Variants in LIN54 observed in about 807,000 individuals in gnomAD.
LIN54 encodes lin-54 DREAM MuvB core complex component.
LIN54 carries 9 observed loss-of-function variants against 78.7 expected under a neutral mutation model. The observed-to-expected ratio is 0.11, with a 90% confidence interval of 0.07 to 0.20. The LOEUF (loss-of-function observed/expected upper bound fraction) is 0.20. Ranked by LOEUF, LIN54 falls within the 10% of genes least tolerant of loss-of-function variation. The probability of loss-of-function intolerance (pLI) is 1.00; values close to 1 mark genes in which losing one functional copy is unlikely to be tolerated. For missense variants in LIN54, 573 were observed against 889.9 expected, an observed-to-expected ratio of 0.64 and a Z score of 4.53; for synonymous variants, 269 against 318.4, an observed-to-expected ratio of 0.84 and a Z score of 1.65.
At chr4:82,986,862 C>G (rs1386866469) in intron 1 of LIN54, among the ~76,000 whole-genome samples, 1 of 152,166 alleles carries the variant, frequency 6.6e-6, no homozygotes, top group African/African-American at 2.4e-5. Flanking sequence ...TTTATCCTCA[C>G]AACAACTCAG....
In LIN54 at chr4:82,979,180, ATAT is replaced by A. The variant is rs766128397; in HGVS notation, c.685-177_685-175del. ...AATGCAGACATTCATCAAAATATTA[ATAT>A]TATTATATCCTTAATCCCATATATA... On this transcript the variant is annotated intron_variant, in intron 2 of 12. Coordinates refer to ENST00000340417, the MANE Select transcript of LIN54 (RefSeq NM_194282.4). Among the ~76,000 whole-genome samples the A allele has an allele frequency of 6.6e-5, 10 of 152,268 alleles. No homozygotes were observed. The East Asian group carries it at 1.7e-3, about 26-fold the overall frequency.
intron 4 of LIN54, among the ~76,000 whole-genome samples, chr4:82,951,194 G>C (rs1412706403): frequency 6.6e-6 from 1 of 152,090 alleles, no homozygotes; most frequent in Non-Finnish European, 1.5e-5. Flanking sequence ...AGTAAGAAAA[G>C]ATAAATATTA....
intron 5 of LIN54, among the ~76,000 whole-genome samples, chr4:82,945,868 A>T (rs1723313073): frequency 6.6e-6 from 1 of 152,192 alleles, no homozygotes. Context: ...GTTCTTTCTT[A>T]CTTACACCTT....
At chr4:83,000,140 T>C (rs564818686) in intron 1 of LIN54, among the ~76,000 whole-genome samples, 99 of 152,222 alleles carry the variant, frequency 6.5e-4, no homozygotes, top group African/African-American at 2.3e-3. Context: ...GTGATCCTCC[T>C]GCCTCAGCTC....
intron 4 of LIN54, among the ~76,000 whole-genome samples, chr4:82,947,990 T>A (rs1037234049): frequency 6.6e-6 from 1 of 152,126 alleles, no homozygotes; most frequent in Non-Finnish European, 1.5e-5. Context: ...TACTTCCGCA[T>A]AAAATAATTC....
intron 1 of LIN54, among the ~76,000 whole-genome samples, chr4:82,991,344 T>A (rs186594724): frequency 1.3e-5 from 2 of 152,294 alleles, no homozygotes. Flanking sequence ...TGTTTATGAG[T>A]ATGTACAAAT....
intron 1 of LIN54, among the ~76,000 whole-genome samples, chr4:83,009,385 A>C (rs952560063): frequency 3.3e-5 from 5 of 152,186 alleles, no homozygotes; most frequent in African/African-American, 1.2e-4. Context: ...CTCAATACTA[A>C]TCCTTCTGTT....
At chr4:82,958,930 G>A (rs6535417) in intron 4 of LIN54, among the ~76,000 whole-genome samples, 82,183 of 151,876 alleles carry the variant, frequency 0.54, 24,069 homozygotes, top group East Asian at 0.78. Context: ...GCAAACTCCC[G>A]ATCTCAGGTG....
At chr4:82,950,684 A>T (rs1196165301) in intron 4 of LIN54, among the ~76,000 whole-genome samples, 1 of 152,210 alleles carries the variant, frequency 6.6e-6, no homozygotes, top group Non-Finnish European at 1.5e-5. Flanking sequence ...TATATAAGTG[A>T]CTGCCCTCAA....
intron 3 of LIN54, among the ~76,000 whole-genome samples, chr4:82,972,113 G>A (rs928088228): frequency 6.6e-5 from 10 of 152,102 alleles, no homozygotes; most frequent in Non-Finnish European, 1.0e-4. Context: ...AGAATGCAGT[G>A]GCGTGATCAT....
chr4:82,970,488 A>C lies in LIN54; in HGVS notation c.809-19T>G, dbSNP rs1408445605. ...ACCCTACCTGCAAATGAGAGGCAGC[A>C]CATCAGTTTGACTTTTTTCAATAAT... On this transcript the variant is annotated intron_variant, in intron 3 of 12. Coordinates refer to ENST00000340417, the MANE Select transcript of LIN54 (RefSeq NM_194282.4). The C allele has an allele frequency of 2.5e-6, 4 of 1,593,926 alleles. No homozygotes were observed. Among genetic ancestry groups the C allele is most frequent in the South Asian group, 1.2e-5 (1 of 86,798 alleles).
At chr4:82,957,852 T>C (rs1051530992) in intron 4 of LIN54, among the ~76,000 whole-genome samples, 1 of 152,228 alleles carries the variant, frequency 6.6e-6, no homozygotes, top group Non-Finnish European at 1.5e-5. Flanking sequence ...TTTTGCTCTC[T>C]ACTGATTCCC....
chr4:82,973,977 A>G (rs762441606), intron 3 of LIN54, among the ~76,000 whole-genome samples: 9 of 151,820 alleles, frequency 5.9e-5, no homozygotes, highest in Non-Finnish European at 1.0e-4. Flanking sequence ...TTGGGAGGAC[A>G]AGGAGGGTGG....
intron 1 of LIN54, among the ~76,000 whole-genome samples, chr4:83,004,094 G>A (rs1340466779): frequency 6.6e-6 from 1 of 152,060 alleles, no homozygotes; most frequent in African/African-American, 2.4e-5. Context: ...GTCATCATAG[G>A]ATATAGAGTA....
intron 3 of LIN54, among the ~76,000 whole-genome samples, chr4:82,974,279 G>A (rs1041174236): frequency 6.6e-6 from 1 of 151,954 alleles, no homozygotes; most frequent in African/African-American, 2.4e-5. Flanking sequence ...TGGGGACAGA[G>A]GAGAAAGAGA....
At position 82,978,898 on chromosome 4, in the gene LIN54, G is replaced by A. The variant is rs529163546; in HGVS notation, c.793C>T (p.Pro265Ser). The change falls in exon 3 of 13, where the codon CCA (proline) becomes TCA (serine). Residue 265 changes from proline to serine, a missense_variant. Transcript: ENST00000340417. ...GAAATATAACCTGCAATAACTGGTGGTGAAACTTGAGTTGTCTGTCCTGTA... is the reference window on the plus strand; with the variant it reads ...GAAATATAACCTGCAATAACTGGTGATGAAACTTGAGTTGTCTGTCCTGTA... ...AVTGQTTQVSPPVIAGRVLSQ... is the reference protein window; with the variant it reads ...AVTGQTTQVSSPVIAGRVLSQ... The A allele has an allele frequency of 3.9e-6, 6 of 1,552,980 alleles. No homozygotes were observed. In the South Asian group the frequency reaches 5.8e-5, roughly 15 times the overall value.
At chr4:82,937,471 G>A (rs1246066769) in intron 8 of LIN54, among the ~76,000 whole-genome samples, 173 bp from the exon 9 acceptor site, 1 of 152,162 alleles carries the variant, frequency 6.6e-6, no homozygotes, top group East Asian at 1.9e-4. Context: ...AATGTTAAAT[G>A]TGTCCATCTA....
At chr4:82,929,984 G>A (rs923463052) in intron 12 of LIN54, among the ~76,000 whole-genome samples, 2 of 152,116 alleles carry the variant, frequency 1.3e-5, no homozygotes, top group Admixed American at 1.3e-4. Flanking sequence ...TGCAACCTCT[G>A]CCTCCCAGGC....
intron 11 of LIN54, among the ~76,000 whole-genome samples, chr4:82,931,590 A>G (rs1262367832): frequency 1.3e-5 from 2 of 152,180 alleles, no homozygotes; most frequent in Non-Finnish European, 2.9e-5. Context: ...TTATTATTCT[A>G]TTATGCTATT....
Sources: gnomAD v4.1 joint callset for allele counts (sites outside exome capture counted in the v4.1 genomes callset) on GRCh38, gnomAD v4.1.1 for gene constraint, MANE v1.5 for transcripts, NCBI Gene and HGNC (gene_info 2026-07-23, HGNC 2026-07-21) for gene names.